Variants in FAM13A observed in about 807,000 individuals in gnomAD.
FAM13A encodes family with sequence similarity 13 member A, also known as protein FAM13A.
FAM13A carries 76 observed loss-of-function variants against 129.6 expected under a neutral mutation model. That is an observed-to-expected ratio of 0.59 (90% CI 0.49 to 0.71). The LOEUF (loss-of-function observed/expected upper bound fraction) is 0.71, where lower values mean the gene tolerates loss of function less well. Among genes scored for constraint, FAM13A ranks in the 30% least tolerant of loss-of-function variants. The probability of loss-of-function intolerance (pLI) is 0.00; values close to 1 mark genes in which losing one functional copy is unlikely to be tolerated. For synonymous variants in FAM13A, 443 were observed against 449.9 expected (o/e 0.98, Z 0.20); for missense variants, 1,108 against 1,249.3 (o/e 0.89, Z 1.70).
chr4:88,937,956 A>G, intron 5 of FAM13A, 132 bp downstream of exon 5: 1 of 636,444 alleles, frequency 1.6e-6, no homozygotes, highest in Admixed American at 3.0e-5. Flanking sequence ...AGATTTCATA[A>G]GAAGGATTCA....
chr4:89,053,851 C>T (rs1417479677), intron 1 of FAM13A, among the ~76,000 whole-genome samples: 1 of 152,122 alleles, frequency 6.6e-6, no homozygotes, highest in South Asian at 2.1e-4. Flanking sequence ...CACTTTCAGC[C>T]CACCAATCTT....
intron 5 of FAM13A, among the ~76,000 whole-genome samples, chr4:88,912,533 C>T (rs1749232456): frequency 6.6e-6 from 1 of 150,416 alleles, no homozygotes; most frequent in African/African-American, 2.5e-5. Context: ...GAGCCAAACC[C>T]CATAATAAAT....
intron 4 of FAM13A, among the ~76,000 whole-genome samples, chr4:88,971,699 AG>A (rs1156633585): frequency 6.6e-6 from 1 of 152,146 alleles, no homozygotes; most frequent in East Asian, 1.9e-4. Flanking sequence ...TTTAAGAGAC[AG>A]AGTCTCACTG....
In FAM13A at chr4:88,956,848, A is replaced by T. The variant is rs185949445; in HGVS notation, c.606-18607T>A. 2.2e-3 allele frequency among the ~76,000 whole-genome samples: 336 copies of T among 152,096 alleles called. 2 individuals are homozygous for T. Among genetic ancestry groups the T allele is most frequent in the African/African-American group, 7.7e-3 (318 of 41,478 alleles). On this transcript the variant is annotated intron_variant, in intron 4 of 23. Coordinates refer to ENST00000264344, the MANE Select transcript of FAM13A (RefSeq NM_014883.4). ...TATAATGGCCCTTGTGATTATATTGAGCTTATAATACAGTTTGGATTGTCC... is the reference window on the plus strand; with the variant it reads ...TATAATGGCCCTTGTGATTATATTGTGCTTATAATACAGTTTGGATTGTCC...
At chr4:89,049,164 G>A (rs1476975085) in intron 1 of FAM13A, among the ~76,000 whole-genome samples, 1 of 152,086 alleles carries the variant, frequency 6.6e-6, no homozygotes, top group African/African-American at 2.4e-5. Context: ...TTGGGAGGGC[G>A]AGGTGGGAGG....
At chr4:88,884,941 A>C (rs4498109) in intron 6 of FAM13A, among the ~76,000 whole-genome samples, 126,608 of 152,064 alleles carry the variant, frequency 0.83, 52,892 homozygotes, top group East Asian at 0.96. Context: ...ATATATCTAA[A>C]CAAGGAGGTG....
chr4:88,914,396 T>C (rs1209070763), intron 5 of FAM13A, among the ~76,000 whole-genome samples: 1 of 152,222 alleles, frequency 6.6e-6, no homozygotes, highest in Non-Finnish European at 1.5e-5. Flanking sequence ...CTCTTGCCTA[T>C]GTCTCTAATC....
chr4:88,728,843 C>T (rs1288300090), intron 23 of FAM13A, 184 bp from the exon 24 acceptor site: 2 of 586,380 alleles, frequency 3.4e-6, no homozygotes, highest in Non-Finnish European at 5.9e-6. Context: ...AAATGTTTCA[C>T]CCAGAAGGCA....
intron 1 of FAM13A, among the ~76,000 whole-genome samples, chr4:89,044,198 T>A (rs1308204669): frequency 3.9e-5 from 6 of 152,030 alleles, no homozygotes; most frequent in African/African-American, 1.4e-4. Flanking sequence ...GAATACATAT[T>A]CAAAATATGT....
chr4:88,766,356 CA>C (rs1383791003), intron 13 of FAM13A, among the ~76,000 whole-genome samples: 1 of 152,024 alleles, frequency 6.6e-6, no homozygotes, highest in Admixed American at 6.5e-5. Flanking sequence ...GCTTGGGTTC[CA>C]AGGAAGGAGG....
intron 13 of FAM13A, among the ~76,000 whole-genome samples, chr4:88,764,851 AT>A (rs1745438619): frequency 6.6e-6 from 1 of 152,224 alleles, no homozygotes; most frequent in South Asian, 2.1e-4. Flanking sequence ...CACTAAACAA[AT>A]TTTAATCCAA....
chr4:88,986,233 A>C (rs747707692), intron 4 of FAM13A, among the ~76,000 whole-genome samples: 1 of 151,962 alleles, frequency 6.6e-6, no homozygotes, highest in South Asian at 2.1e-4. Flanking sequence ...TCCCGGGTTC[A>C]AGTGACTCTC....
chr4:88,749,000 C>A lies in FAM13A; in HGVS notation c.2113G>T (p.Val705Phe), dbSNP rs905531798. 4 of 1,613,992 alleles carry A rather than the reference C, an allele frequency of 2.5e-6. No individual in the cohort carries two copies. The East Asian group carries it at 8.9e-5, about 36-fold the overall frequency. ...SHSDKAANPEVLKWTNDLAKF... is the reference protein window; with the variant it reads ...SHSDKAANPEFLKWTNDLAKF... ...GCAAGGTCATTTGTCCATTTCAGAA[C>A]CTCCGGATTGGCTGCTTTGTCACTG... The change falls in exon 17 of 24, where the codon GTT (valine) becomes TTT (phenylalanine). Residue 705 changes from valine (V) to phenylalanine (F), a missense_variant. Transcript: ENST00000264344.
Position 89,050,820 on chromosome 4 carries a change from C to T in FAM13A, c.27+6118G>A, listed in dbSNP as rs552150902. Among the ~76,000 whole-genome samples, 70 of 152,020 alleles carry T rather than the reference C, an allele frequency of 4.6e-4. 1 individual carries two copies. Among genetic ancestry groups the T allele is most frequent in the Middle Eastern group, 6.8e-3 (2 of 294 alleles). On this transcript the variant is annotated intron_variant, in intron 1 of 23. Coordinates refer to ENST00000264344, the MANE Select transcript of FAM13A (RefSeq NM_014883.4). ...GTGGGTGCCTGTAATCCCAGCTACA[C>T]AGGAGGCTGAAGCAGGAGAATTGTT...
chr4:88,875,726 A>G (rs1433798029), intron 6 of FAM13A, among the ~76,000 whole-genome samples: 1 of 152,224 alleles, frequency 6.6e-6, no homozygotes, highest in Non-Finnish European at 1.5e-5. Context: ...TGTGGAAGAC[A>G]GTGTGGTGAT....
At chr4:88,811,586 A>G (rs1429309318) in intron 7 of FAM13A, among the ~76,000 whole-genome samples, 1 of 131,196 alleles carries the variant, frequency 7.6e-6, no homozygotes, top group Non-Finnish European at 1.6e-5. Context: ...GGGAAAAGGA[A>G]CAGAGTTCTT....
chr4:88,888,098 G>A (rs1371989457), intron 6 of FAM13A, among the ~76,000 whole-genome samples: 1 of 152,082 alleles, frequency 6.6e-6, no homozygotes, highest in African/African-American at 2.4e-5. Context: ...TCTGCTCAAA[G>A]CATATGATGC....
chr4:88,970,383 A>G (rs1348452875), intron 4 of FAM13A, among the ~76,000 whole-genome samples: 2 of 152,054 alleles, frequency 1.3e-5, no homozygotes, highest in Non-Finnish European at 2.9e-5. Context: ...AATGCCATGG[A>G]AAAGAAAATA....
chr4:88,747,262 G>T (rs1741543157), intron 18 of FAM13A, among the ~76,000 whole-genome samples: 1 of 152,126 alleles, frequency 6.6e-6, no homozygotes, highest in African/African-American at 2.4e-5. Context: ...TGAACACTGA[G>T]GTAAGCAGGG....
Sources: allele counts gnomAD v4.1 joint callset (sites outside exome capture counted in the v4.1 genomes callset), GRCh38; gene constraint gnomAD v4.1.1; transcripts MANE v1.5; gene names NCBI Gene and HGNC (gene_info 2026-07-23, HGNC 2026-07-21).